Variants in SUN3 observed in about 807,000 individuals in gnomAD.
SUN3 encodes the protein Sad1 and UNC84 domain containing 3.
Under a neutral mutation model 48.2 loss-of-function variants are expected in SUN3, and 36 were observed. The ratio of observed to expected loss-of-function variants is 0.75; its 90% confidence interval spans 0.57 to 0.99. The LOEUF is 0.99. SUN3 is among the 50% of genes least tolerant of loss of function. SUN3 has a pLI of 0.00. For missense variants in SUN3, 419 were observed against 433.1 expected, an observed-to-expected ratio of 0.97 and a Z score of 0.29; for synonymous variants, 148 against 147.9, an observed-to-expected ratio of 1.00 and a Z score of 0.00.
intron 6 of SUN3, among the ~76,000 whole-genome samples, chr7:47,999,585 T>C (rs1365983904): frequency 6.6e-6 from 1 of 152,232 alleles, no homozygotes; most frequent in Non-Finnish European, 1.5e-5. Flanking sequence ...CAGGCTGGAG[T>C]GCAATGACGC....
At chr7:47,987,488 A>C (rs755634242) in intron 9 of SUN3, 39 bp from the exon 10 acceptor site, 15 of 1,482,574 alleles carry the variant, frequency 1.0e-5, no homozygotes, top group Non-Finnish European at 1.3e-5. Context: ...CTTATAACGA[A>C]ATTCATCTCA....
At chr7:48,000,130 C>T (rs1381510590) in intron 6 of SUN3, 1 of 152,138 alleles carries the variant, frequency 6.6e-6, no homozygotes, top group Non-Finnish European at 1.5e-5. Context: ...AAAATTACCT[C>T]ATCTTTTGTT....
intron 2 of SUN3, among the ~76,000 whole-genome samples, chr7:48,024,303 C>G (rs1790077084): frequency 6.6e-6 from 1 of 152,106 alleles, no homozygotes; most frequent in Non-Finnish European, 1.5e-5. Context: ...TATTAAAAAA[C>G]TCTTCCAACT....
At chr7:48,019,724 C>T (rs549669806) in intron 2 of SUN3, among the ~76,000 whole-genome samples, 6 of 151,968 alleles carry the variant, frequency 3.9e-5, no homozygotes, top group Non-Finnish European at 7.4e-5. Context: ...CCTACCAAGA[C>T]TGAACCAGAA....
At chr7:48,031,889 T>G (rs963848323), upstream of SUN3, among the ~76,000 whole-genome samples, 47 of 131,188 alleles carry the variant, frequency 3.6e-4, no homozygotes, top group African/African-American at 1.3e-3. Context: ...GTGGTGGTGG[T>G]GGGGGGAGAG....
intron 8 of SUN3, among the ~76,000 whole-genome samples, chr7:47,989,750 G>A (rs750603895): frequency 1.3e-5 from 2 of 152,264 alleles, no homozygotes; most frequent in African/African-American, 2.4e-5. Context: ...ACTCCATTTT[G>A]TTCTGTACTA....
intron 6 of SUN3, among the ~76,000 whole-genome samples, chr7:47,998,755 T>C (rs1431297326): frequency 6.6e-6 from 1 of 152,170 alleles, no homozygotes; most frequent in African/African-American, 2.4e-5. Flanking sequence ...TATTTTTGCA[T>C]ATGAATGTCC....
At chr7:48,007,940 C>A (rs545451775) in intron 4 of SUN3, among the ~76,000 whole-genome samples, 3 of 151,818 alleles carry the variant, frequency 2.0e-5, no homozygotes, top group Admixed American at 6.6e-5. Flanking sequence ...TCTCTTGCCT[C>A]AGCCTCCCCA....
At chr7:48,011,314 A>G (rs187327064) in intron 3 of SUN3, among the ~76,000 whole-genome samples, 3 of 152,336 alleles carry the variant, frequency 2.0e-5, no homozygotes, top group East Asian at 3.9e-4. Flanking sequence ...AGCTCTGCCC[A>G]AAATAGTGCT....
rs1562605790 is a variant in SUN3 at position 48,007,199 on chromosome 7, TG to T, written c.457del (p.His153MetfsTer25). ...GMDNNHNWNT[H>X]GDPVEDPDHT... The stretch of plus-strand genomic sequence containing the variant: ...GTCCGGGTCCTCCACAGGGTCTCCA[TG>T]GGTGTTCCAGTTGTGATTATTGTCC... On this transcript the variant is annotated frameshift_variant, in exon 5 of 10. Coordinates refer to ENST00000297325, the MANE Select transcript of SUN3 (RefSeq NM_001030019.2). LOFTEE classifies it high-confidence loss of function. 1 of 1,547,606 alleles carries T rather than the reference TG, an allele frequency of 6.5e-7. No individual in the cohort carries two copies. Among genetic ancestry groups the T allele is most frequent in the Non-Finnish European group, 8.8e-7 (1 of 1,137,970 alleles).
upstream of SUN3, among the ~76,000 whole-genome samples, chr7:48,032,781 T>G (rs1461033482): frequency 6.6e-6 from 1 of 151,780 alleles, no homozygotes; most frequent in Admixed American, 6.6e-5. Context: ...GGCTTTCAGC[T>G]GCTTGAGATT....
chr7:48,006,503 C>T (rs1451219834), intron 5 of SUN3, among the ~76,000 whole-genome samples: 1 of 152,158 alleles, frequency 6.6e-6, no homozygotes, highest in Non-Finnish European at 1.5e-5. Flanking sequence ...ACATTTTTCA[C>T]CCAGTCTAAT....
chr7:48,026,299 G>GA (rs776404854), intron 1 of SUN3, among the ~76,000 whole-genome samples: 2 of 150,966 alleles, frequency 1.3e-5, no homozygotes, highest in African/African-American at 2.4e-5. Flanking sequence ...TACAAAAAAA[G>GA]AAAAAAAAGA....
At chr7:48,008,625 TAA>T (rs1789597896) in intron 4 of SUN3, among the ~76,000 whole-genome samples, 1 of 152,224 alleles carries the variant, frequency 6.6e-6, no homozygotes, top group Non-Finnish European at 1.5e-5. Context: ...AGTAATTTTC[TAA>T]AGTACTACAA....
intron 6 of SUN3, among the ~76,000 whole-genome samples, chr7:48,002,240 A>G (rs1435564271): frequency 1.4e-4 from 18 of 132,294 alleles, no homozygotes; most frequent in Admixed American, 8.7e-4. Context: ...GCTCACTGCA[A>G]GCTCCGCCTC....
intron 9 of SUN3, among the ~76,000 whole-genome samples, chr7:47,988,495 T>C (rs1415872084): frequency 6.6e-6 from 1 of 152,182 alleles, no homozygotes; most frequent in Non-Finnish European, 1.5e-5. Context: ...TTACACTTAA[T>C]AGTATTCAGG....
chr7:48,033,207 A>T (rs1411656805), upstream of SUN3, among the ~76,000 whole-genome samples: 1 of 152,218 alleles, frequency 6.6e-6, no homozygotes, highest in Non-Finnish European at 1.5e-5. Flanking sequence ...CCATGGCATC[A>T]TTACCTACAT....
chr7:47,987,457 T>C lies in SUN3; in HGVS notation c.955-8A>G. ...ATATTCAGAAACTGCATGCTGAAAA[T>C]AAAGAAAAGAAAATCAATGCCTTAT... On this transcript the variant is annotated splice_polypyrimidine_tract_variant and splice_region_variant and intron_variant, in intron 9 of 9. Transcript: ENST00000297325. The C allele has an allele frequency of 1.9e-6, 3 of 1,549,180 alleles. No homozygotes were observed. The highest frequency in any genetic ancestry group is 2.6e-6 in the Non-Finnish European group (3 of 1,149,068).
chr7:48,016,502 AG>A (rs1306931485), intron 3 of SUN3, among the ~76,000 whole-genome samples: 1 of 152,130 alleles, frequency 6.6e-6, no homozygotes, highest in Non-Finnish European at 1.5e-5. Flanking sequence ...AGAATGGACA[AG>A]GCTTATTCTG....
Sources: gnomAD v4.1 joint callset for allele counts (sites outside exome capture counted in the v4.1 genomes callset) on GRCh38, gnomAD v4.1.1 for gene constraint, MANE v1.5 for transcripts, NCBI Gene and HGNC (gene_info 2026-07-23, HGNC 2026-07-21) for gene names.